Variants in KCNQ1 observed in about 807,000 individuals in gnomAD.
The protein encoded by KCNQ1 is potassium voltage-gated channel subfamily Q member 1.
A neutral mutation model predicts 72.4 loss-of-function variants in KCNQ1; 49 were observed. That is an observed-to-expected ratio of 0.68 (90% CI 0.54 to 0.86). The LOEUF is 0.86. KCNQ1 is among the 40% of genes least tolerant of loss of function. The probability of loss-of-function intolerance (pLI) is 0.00; values close to 1 mark genes in which losing one functional copy is unlikely to be tolerated. For missense variants in KCNQ1, 790 were observed against 945.1 expected, an observed-to-expected ratio of 0.84 and a Z score of 2.15; for synonymous variants, 450 against 412.6, an observed-to-expected ratio of 1.09 and a Z score of -1.10.
In KCNQ1 at chr11:2,676,598, C is replaced by A. The variant is rs1277422680; in HGVS notation, c.1514+14517C>A. On this transcript the variant is annotated intron_variant, in intron 11 of 15. Transcript: ENST00000155840. This position sits in a 1 kb window ranked among gnomAD's most constrained non-coding sequence, Gnocchi z 4.2. ...TACTGGGTATTCAACAGCCAGCTCT[C>A]CAAAGAGGCCTCTAAGAAATGGGTA... 1 of 398,508 alleles carries A rather than the reference C, an allele frequency of 2.5e-6. No homozygotes were observed. Among genetic ancestry groups the A allele is most frequent in the Non-Finnish European group, 4.4e-6 (1 of 226,076 alleles). The allele number at this position is 398,508 out of a possible 1,614,324, so 24.7% of individuals were successfully genotyped here.
At chr11:2,532,434 C>T (rs779235862) in intron 2 of KCNQ1, among the ~76,000 whole-genome samples, 8 of 152,218 alleles carry the variant, frequency 5.3e-5, no homozygotes, top group Non-Finnish European at 8.8e-5. Context: ...AAGCACTGGC[C>T]GCGTGGAAAC....
rs1308218734 is a variant in KCNQ1 at position 2,759,319 on chromosome 11, T to G, written c.1515-9525T>G. ...GATGTGACGTAGAGTGACTTCAGTT[T>G]CCCTCTTCATGTCTCCTGGGTCCTC... On this transcript the variant is annotated intron_variant, in intron 11 of 15. Coordinates refer to ENST00000155840, the MANE Select transcript of KCNQ1 (RefSeq NM_000218.3). This position sits in a 1 kb window ranked among gnomAD's most constrained non-coding sequence, Gnocchi z 4.4. Among the ~76,000 whole-genome samples, 1 of 152,162 alleles carries G rather than the reference T, an allele frequency of 6.6e-6. No homozygotes were observed. The highest frequency in any genetic ancestry group is 2.4e-5 in the African/African-American group (1 of 41,440).
intron 11 of KCNQ1, chr11:2,675,514 A>G (rs7128926): frequency 0.21 from 84,226 of 398,612 alleles, 9,770 homozygotes; most frequent in Middle Eastern, 0.31. Context: ...ACAACATGCC[A>G]TACACATTTC....
In KCNQ1 at chr11:2,815,648, C is replaced by T. The variant is rs762682187; in HGVS notation, c.1795-32119C>T. On this transcript the variant is annotated intron_variant, in intron 15 of 15. Coordinates refer to ENST00000155840, the MANE Select transcript of KCNQ1 (RefSeq NM_000218.3). This position sits in a 1 kb window ranked among gnomAD's most constrained non-coding sequence, Gnocchi z 5.4. ...GTTGCAGGGGGGCAGGCACCATCGC[C>T]CCCAGCCCCAGGCTGACCCCAGTCC... is the stretch of plus-strand genomic sequence containing the variant. 1.2e-4 allele frequency among the ~76,000 whole-genome samples: 18 copies of T among 151,982 alleles called. No homozygotes were observed. The highest frequency in any genetic ancestry group is 4.6e-4 in the Admixed American group (7 of 15,276).
chr11:2,672,065 G>C, intron 11 of KCNQ1: 1 of 398,668 alleles, frequency 2.5e-6, no homozygotes, highest in Middle Eastern at 6.3e-4. Context: ...ATCCTCCCCT[G>C]GTCCCTGGTC....
rs1237387206 is a variant in KCNQ1 at position 2,783,732 on chromosome 11, C to T, written c.1794+5695C>T. 6.6e-6 allele frequency among the ~76,000 whole-genome samples: 1 copy of T among 152,018 alleles called. No homozygotes were observed. The highest frequency in any genetic ancestry group is 2.4e-5 in the African/African-American group (1 of 41,420). Reference sequence around the variant, plus strand: ...GGTATCTCATTGTGGTTTTGATTTGCATTTCCCTAATGACTAATGATGTTG... The same window carrying T: ...GGTATCTCATTGTGGTTTTGATTTGTATTTCCCTAATGACTAATGATGTTG... On this transcript the variant is annotated intron_variant, in intron 15 of 15. Coordinates refer to ENST00000155840, the MANE Select transcript of KCNQ1 (RefSeq NM_000218.3). This position sits in a 1 kb window ranked among gnomAD's most constrained non-coding sequence, Gnocchi z 5.2.
In KCNQ1 at chr11:2,608,717, G is replaced by A. The variant is rs1449577991; in HGVS notation, c.1393+19863G>A. The A allele has an allele frequency of 2.5e-6, 1 of 398,358 alleles. No individual in the cohort carries two copies. 24.7% of individuals were successfully genotyped at this position (398,358 alleles called of 1,614,324 possible). A position where few individuals can be genotyped will look rare whatever the true frequency, so the allele number is the denominator to read the frequency against. On this transcript the variant is annotated intron_variant, in intron 10 of 15. Coordinates refer to ENST00000155840, the MANE Select transcript of KCNQ1 (RefSeq NM_000218.3). This position sits in a 1 kb window ranked among gnomAD's most constrained non-coding sequence, Gnocchi z 4.6. ...GGCCACAAGCAATTCTCGAACTCCTGGCCACAAGCAATTCTCCTGCCTTGG... is the reference window on the plus strand; with the variant it reads ...GGCCACAAGCAATTCTCGAACTCCTAGCCACAAGCAATTCTCCTGCCTTGG...
chr11:2,464,034 T>C lies in KCNQ1; in HGVS notation c.386+18550T>C, dbSNP rs753479128. Among the ~76,000 whole-genome samples the C allele has an allele frequency of 4.6e-5, 7 of 152,034 alleles. No homozygotes were observed. Among genetic ancestry groups the C allele is most frequent in the African/African-American group, 1.5e-4 (6 of 41,370 alleles). On this transcript the variant is annotated intron_variant, in intron 1 of 15. Transcript: ENST00000155840. The surrounding 1 kb of genome is among the most constrained non-coding windows in gnomAD (Gnocchi z 5.0). ...CTCTGCAGAGCAGGACTGTGGAAAA[T>C]GGACACTGATGCTGCCCGGTGGATC...
At position 2,479,102 on chromosome 11, in the gene KCNQ1, C is replaced by T. The variant is rs1041765176; in HGVS notation, c.386+33618C>T. 2.0e-5 allele frequency among the ~76,000 whole-genome samples: 3 copies of T among 152,304 alleles called. No individual in the cohort carries two copies. Among genetic ancestry groups the T allele is most frequent in the Admixed American group, 6.5e-5 (1 of 15,304 alleles). On this transcript the variant is annotated intron_variant, in intron 1 of 15. Transcript: ENST00000155840. This position sits in a 1 kb window ranked among gnomAD's most constrained non-coding sequence, Gnocchi z 4.6. ...TCCCATAGTCTTGAGCAGCTCTGCC[C>T]CTCTGGCTTTGCAGGGTACAGCCTC...
Position 2,527,961 on chromosome 11 carries a change from C to T in KCNQ1, c.420C>T (p.Ser140=), listed in dbSNP as rs377520734. The T allele has an allele frequency of 1.7e-5, 27 of 1,613,974 alleles. No individual in the cohort carries two copies. The highest frequency in any genetic ancestry group is 2.2e-5 in the South Asian group (2 of 91,090). The change falls in exon 2 of 16, where the codon AGC becomes AGT. Residue 140 remains serine (S), a synonymous_variant. Transcript: ENST00000155840. Reference sequence around the variant, plus strand: ...TCGTCCTGGTCTGCCTCATCTTCAGCGTGCTGTCCACCATCGAGCAGTATG... The same window carrying T: ...TCGTCCTGGTCTGCCTCATCTTCAGTGTGCTGTCCACCATCGAGCAGTATG... ...FLIVLVCLIF[S]VLSTIEQYAA... is the part of the protein sequence containing the mutation.
At position 2,572,013 on chromosome 11, in the gene KCNQ1, G is replaced by A. The variant is rs1848342378; in HGVS notation, c.684G>A (p.Arg228=). The change falls in exon 5 of 16, where the codon AGG becomes AGA. Residue 228 remains arginine, a splice_region_variant and synonymous_variant. Coordinates refer to ENST00000155840, the MANE Select transcript of KCNQ1 (RefSeq NM_000218.3). ...KGQVFATSAI[R]GIRFLQILRM... ...CAGCCCCACACCATCTCCTTCGCAG[G>A]GGCATCCGCTTCCTGCAGATCCTGA... 3 of 1,611,920 alleles carry A rather than the reference G, an allele frequency of 1.9e-6. No homozygotes were observed. The highest frequency in any genetic ancestry group is 1.7e-6 in the Non-Finnish European group (2 of 1,179,472).
intron 11 of KCNQ1, among the ~76,000 whole-genome samples, chr11:2,719,511 A>C (rs989540052): frequency 1.3e-5 from 2 of 151,876 alleles, no homozygotes; most frequent in Non-Finnish European, 2.9e-5. Context: ...AAAAAAAAAA[A>C]CCATTATCAC....
chr11:2,671,103 TGAG>T lies in KCNQ1; in HGVS notation c.1514+9023_1514+9025del, dbSNP rs1850175812. 7.9e-6 allele frequency: 1 copy of T among 126,484 alleles called. No homozygotes were observed. The highest frequency in any genetic ancestry group is 1.0e-4 in the African/African-American group (1 of 9,888). 7.8% of individuals were successfully genotyped at this position (126,484 alleles called of 1,614,324 possible). A position where few individuals can be genotyped will look rare whatever the true frequency, so the allele number is the denominator to read the frequency against. ...GCAGGAGGAAGTCTGGCAGTTAGTC[TGAG>T]CAGTTAGTCTGTCAGGCCTGGTTGG... On this transcript the variant is annotated intron_variant, in intron 11 of 15. Transcript: ENST00000155840. The surrounding 1 kb of genome is among the most constrained non-coding windows in gnomAD (Gnocchi z 4.7).
rs1243780276 is a variant in KCNQ1, at chr11:2,592,159, C to T, written c.1393+3305C>T. On this transcript the variant is annotated intron_variant, in intron 10 of 15. Coordinates refer to ENST00000155840, the MANE Select transcript of KCNQ1 (RefSeq NM_000218.3). The surrounding 1 kb of genome is among the most constrained non-coding windows in gnomAD (Gnocchi z 5.2). ...GCTACCTGTCTGCGCCATCCACCTG[C>T]ACACAAGCCCCTTCAGCTCGTGCTC... 6.6e-6 allele frequency among the ~76,000 whole-genome samples: 1 copy of T among 152,260 alleles called. No homozygotes were observed. Among genetic ancestry groups the T allele is most frequent in the Non-Finnish European group, 1.5e-5 (1 of 68,048 alleles).
rs573698589 is a variant in KCNQ1 at position 2,645,475 on chromosome 11, C to T, written c.1394-16486C>T. ...AGGCACAGGAAGATCCCTGTATACC[C>T]TGCTGAATGCTCATGTTGGGGCAGC... On this transcript the variant is annotated intron_variant, in intron 10 of 15. Transcript: ENST00000155840. This position sits in a 1 kb window ranked among gnomAD's most constrained non-coding sequence, Gnocchi z 5.8. 2.5e-6 allele frequency: 1 copy of T among 398,710 alleles called. No individual in the cohort carries two copies. The highest frequency in any genetic ancestry group is 4.4e-5 in the Admixed American group (1 of 22,734). 24.7% of individuals were successfully genotyped at this position (398,710 alleles called of 1,614,324 possible). A position where few individuals can be genotyped will look rare whatever the true frequency, so the allele number is the denominator to read the frequency against.
At chr11:2,706,035 G>A (rs970924638) in intron 11 of KCNQ1, among the ~76,000 whole-genome samples, 2 of 152,182 alleles carry the variant, frequency 1.3e-5, no homozygotes, top group East Asian at 3.9e-4. Flanking sequence ...GATGTAATTT[G>A]GAGGAAAAAG....
intron 11 of KCNQ1, chr11:2,684,669 G>T (rs1304522269): frequency 1.0e-5 from 4 of 398,562 alleles, no homozygotes; most frequent in Non-Finnish European, 1.8e-5. Context: ...TGTTGGATGT[G>T]CAGGGAGCTA....
chr11:2,690,145 C>T lies in KCNQ1; in HGVS notation c.1514+28064C>T, dbSNP rs2133891052. On this transcript the variant is annotated intron_variant, in intron 11 of 15. Coordinates refer to ENST00000155840, the MANE Select transcript of KCNQ1 (RefSeq NM_000218.3). The surrounding 1 kb of genome is among the most constrained non-coding windows in gnomAD (Gnocchi z 5.1). ...GGAGCAGGGACAAAAAGCGGGCAGC[C>T]CTCCCCAGCATGACAGGATGTGGAA... The T allele has an allele frequency of 2.5e-6, 1 of 398,922 alleles. No individual in the cohort carries two copies. The highest frequency in any genetic ancestry group is 3.6e-5 in the East Asian group (1 of 28,078). The allele number at this position is 398,922 out of a possible 1,614,324, so 24.7% of individuals were successfully genotyped here.
In KCNQ1 at chr11:2,509,383, G is replaced by C. The variant is rs1459938107; in HGVS notation, c.387-18545G>C. ...CTTGCCTGGCAAACCCCATCTTCCTGTCCAAAGCCAGACTTGGCTCCCTTT... is the reference window on the plus strand; with the variant it reads ...CTTGCCTGGCAAACCCCATCTTCCTCTCCAAAGCCAGACTTGGCTCCCTTT... On this transcript the variant is annotated intron_variant, in intron 1 of 15. Coordinates refer to ENST00000155840, the MANE Select transcript of KCNQ1 (RefSeq NM_000218.3). This position sits in a 1 kb window ranked among gnomAD's most constrained non-coding sequence, Gnocchi z 6.3. 6.6e-6 allele frequency among the ~76,000 whole-genome samples: 1 copy of C among 152,152 alleles called. No individual in the cohort carries two copies. The highest frequency in any genetic ancestry group is 1.5e-5 in the Non-Finnish European group (1 of 68,034).
Sources: allele counts gnomAD v4.1 joint callset (sites outside exome capture counted in the v4.1 genomes callset), GRCh38; gene constraint gnomAD v4.1.1; non-coding constraint Gnocchi (gnomAD v3.1); transcripts MANE v1.5; gene names NCBI Gene and HGNC (gene_info 2026-07-23, HGNC 2026-07-21).